CDK6: variants seen among roughly 807,000 people sequenced by gnomAD.
CDK6 encodes cyclin-dependent kinase 6.
CDK6 carries 6 observed loss-of-function variants against 37.1 expected under a neutral mutation model. That is an observed-to-expected ratio of 0.16 (90% CI 0.09 to 0.32). CDK6 has a LOEUF of 0.32. Ranked by LOEUF, CDK6 falls within the 10% of genes least tolerant of loss-of-function variation. The pLI, the probability that CDK6 is intolerant of heterozygous loss-of-function variation, is 1.00. For missense variants in CDK6, 224 were observed against 418.9 expected, an observed-to-expected ratio of 0.53 and a Z score of 4.06; for synonymous variants, 160 against 161.3, an observed-to-expected ratio of 0.99 and a Z score of 0.06.
In CDK6 at chr7:92,608,465, C is replaced by G. The variant is rs764206302; in HGVS notation, c.*6675G>C. 6.1e-5 allele frequency: 14 copies of G among 229,900 alleles called. No individual in the cohort carries two copies. The highest frequency in any genetic ancestry group is 1.1e-4 in the Non-Finnish European group (13 of 116,180). The allele number at this position is 229,900 out of a possible 1,614,324, so 14.2% of individuals were successfully genotyped here. On this transcript the variant is annotated 3_prime_UTR_variant, in exon 8 of 8. Coordinates refer to ENST00000424848, the MANE Select transcript of CDK6 (RefSeq NM_001145306.2). Reference sequence around the variant, plus strand: ...CTTTTCAAAACAAAACTTTTCCAGGCATATCTTTCACCATCACATATATAG... The same window carrying G: ...CTTTTCAAAACAAAACTTTTCCAGGGATATCTTTCACCATCACATATATAG...
At chr7:92,776,172 T>A (rs1799848529) in intron 2 of CDK6, among the ~76,000 whole-genome samples, 2 of 152,048 alleles carry the variant, frequency 1.3e-5, no homozygotes, top group African/African-American at 4.8e-5. Flanking sequence ...TGGTTTTCTG[T>A]TCCTGTGTTA....
rs1254434266 is a variant in CDK6, at chr7:92,652,331, T to A, written c.647+19095A>T. Reference sequence around the variant, plus strand: ...CTTAAGGGGACTGTAATTTAGCTACTCCATTTTACGTCTTTATAATTCTTT... The same window carrying A: ...CTTAAGGGGACTGTAATTTAGCTACACCATTTTACGTCTTTATAATTCTTT... On this transcript the variant is annotated intron_variant, in intron 5 of 7. Transcript: ENST00000424848. Among the ~76,000 whole-genome samples, 4 of 152,226 alleles carry A rather than the reference T, an allele frequency of 2.6e-5. No homozygotes were observed. The East Asian group carries it at 7.7e-4, about 29-fold the overall frequency.
rs993332502 is a variant in CDK6, at chr7:92,605,289, CA to C, written c.*9850del. 5 of 233,174 alleles carry C rather than the reference CA, an allele frequency of 2.1e-5. No individual in the cohort carries two copies. Among genetic ancestry groups the C allele is most frequent in the African/African-American group, 1.1e-4 (5 of 45,320 alleles). The allele number at this position is 233,174 out of a possible 1,614,324, so 14.4% of individuals were successfully genotyped here. On this transcript the variant is annotated 3_prime_UTR_variant, in exon 8 of 8. Transcript: ENST00000424848. ...CAGTTTCCAAAGGATTATTGGTATG[CA>C]ACCCTCTGAATTTTCTGACATGTTA... is the stretch of plus-strand genomic sequence containing the variant.
At chr7:92,731,307 GACAA>G (rs1218901419) in intron 3 of CDK6, among the ~76,000 whole-genome samples, 7 of 152,296 alleles carry the variant, frequency 4.6e-5, no homozygotes, top group African/African-American at 1.7e-4. Flanking sequence ...CAAAGAACAA[GACAA>G]ACAAATTCTG....
At chr7:92,725,368 C>G (rs1481225787) in intron 4 of CDK6, 3 of 965,454 alleles carry the variant, frequency 3.1e-6, no homozygotes, top group South Asian at 4.8e-5. Flanking sequence ...AAACTTGTAA[C>G]TGATTCCTGT....
chr7:92,778,579 G>A (rs1306151990), intron 2 of CDK6, among the ~76,000 whole-genome samples: 1 of 151,982 alleles, frequency 6.6e-6, no homozygotes, highest in Non-Finnish European at 1.5e-5. Flanking sequence ...GCTTTTTTAA[G>A]CCAGCTTATT....
At chr7:92,791,220 G>A (rs1267752164) in intron 2 of CDK6, among the ~76,000 whole-genome samples, 2 of 152,114 alleles carry the variant, frequency 1.3e-5, no homozygotes, top group South Asian at 2.1e-4. Context: ...TGACTCACAT[G>A]CTTTTGACTT....
chr7:92,726,656 C>T (rs995316025), intron 3 of CDK6, among the ~76,000 whole-genome samples: 33 of 152,210 alleles, frequency 2.2e-4, no homozygotes, highest in African/African-American at 7.2e-4. Flanking sequence ...AGCTATTCTC[C>T]TGCCTCAGCC....
chr7:92,663,528 C>T (rs1388783635), intron 5 of CDK6, among the ~76,000 whole-genome samples: 1 of 151,756 alleles, frequency 6.6e-6, no homozygotes, highest in Non-Finnish European at 1.5e-5. Flanking sequence ...CAGCGAAACC[C>T]CGTATCTACT....
chr7:92,666,793 A>G (rs1374248358), intron 5 of CDK6, among the ~76,000 whole-genome samples: 1 of 152,252 alleles, frequency 6.6e-6, no homozygotes, highest in Non-Finnish European at 1.5e-5. Flanking sequence ...ATAATTATAT[A>G]CAGTACATAA....
At chr7:92,627,116 G>C (rs942799971) in intron 5 of CDK6, among the ~76,000 whole-genome samples, 6 of 151,972 alleles carry the variant, frequency 3.9e-5, no homozygotes, top group African/African-American at 1.4e-4. Context: ...ACTTACAATG[G>C]AATATCACTG....
chr7:92,789,687 C>T (rs1327070301), intron 2 of CDK6, among the ~76,000 whole-genome samples: 4 of 152,058 alleles, frequency 2.6e-5, no homozygotes, highest in Non-Finnish European at 1.5e-5. Flanking sequence ...CTTGAATTTA[C>T]CACTTAAGAG....
chr7:92,726,761 T>C (rs1798521471), intron 3 of CDK6, among the ~76,000 whole-genome samples: 1 of 152,220 alleles, frequency 6.6e-6, no homozygotes. Flanking sequence ...AACTAGGGTC[T>C]GGAAAACCTC....
At chr7:92,760,322 C>T (rs1799423700) in intron 3 of CDK6, among the ~76,000 whole-genome samples, 1 of 152,124 alleles carries the variant, frequency 6.6e-6, no homozygotes, top group Admixed American at 6.6e-5. Flanking sequence ...TCAATGTTTG[C>T]TATTTTATCA....
chr7:92,615,383 C>A (rs761312729), intron 7 of CDK6, 97 bp from the exon 8 acceptor site: 1 of 984,442 alleles, frequency 1.0e-6, no homozygotes, highest in Admixed American at 2.0e-5. Flanking sequence ...ATATGTTAAG[C>A]GCATCTACAG....
intron 6 of CDK6, among the ~76,000 whole-genome samples, chr7:92,621,539 C>T (rs189097049): frequency 2.0e-3 from 298 of 152,296 alleles, no homozygotes; most frequent in African/African-American, 6.7e-3. Context: ...GCTTTCAAGT[C>T]CTGGCAAGCT....
At chr7:92,686,218 T>C (rs991107976) in intron 4 of CDK6, among the ~76,000 whole-genome samples, 3 of 152,234 alleles carry the variant, frequency 2.0e-5, no homozygotes, top group Non-Finnish European at 4.4e-5. Context: ...TTTCTGATTT[T>C]GGTGCACCCA....
intron 3 of CDK6, among the ~76,000 whole-genome samples, chr7:92,758,752 T>G (rs575877361): frequency 6.6e-6 from 1 of 152,340 alleles, no homozygotes; most frequent in African/African-American, 2.4e-5. Context: ...TGATATCAAT[T>G]CTTCCTATCC....
chr7:92,667,435 T>G (rs1359357715), intron 5 of CDK6, among the ~76,000 whole-genome samples: 2 of 152,212 alleles, frequency 1.3e-5, no homozygotes, highest in Non-Finnish European at 2.9e-5. Flanking sequence ...TAAACTCAAG[T>G]GATCCTCCTG....
Sources: allele counts gnomAD v4.1 joint callset (sites outside exome capture counted in the v4.1 genomes callset), GRCh38; gene constraint gnomAD v4.1.1; transcripts MANE v1.5; gene names NCBI Gene and HGNC (gene_info 2026-07-23, HGNC 2026-07-21).